PIGF: variants seen among roughly 807,000 people sequenced by gnomAD.
The protein encoded by PIGF is GPI ethanolamine phosphate transferase, stabilizing subunit.
PIGF carries 23 observed loss-of-function variants against 26.0 expected under a neutral mutation model. The observed-to-expected ratio is 0.88, with a 90% CI of 0.64 to 1.25. The LOEUF is 1.25. Among genes scored for constraint, PIGF ranks in the 50% most tolerant of loss-of-function variants. The pLI is 0.00. For missense variants in PIGF, 278 were observed against 249.9 expected (o/e 1.11, Z -0.76); for synonymous variants, 93 against 92.6 (o/e 1.00, Z -0.03).
rs1025728460 is a variant in PIGF, at chr2:46,589,434, A to G, written c.546+3041T>C. On this transcript the variant is annotated intron_variant, in intron 5 of 5. Transcript: ENST00000281382. This position sits in a 1 kb window ranked among gnomAD's most constrained non-coding sequence, Gnocchi z 4.7. ...TGCTTGGCCTCAGGAATGTTATACAATGGTTTGAGTTCAAAGTAAAGAAAA... is the reference window on the plus strand; with the variant it reads ...TGCTTGGCCTCAGGAATGTTATACAGTGGTTTGAGTTCAAAGTAAAGAAAA... Among the ~76,000 whole-genome samples, 1 of 151,978 alleles carries G rather than the reference A, an allele frequency of 6.6e-6. No individual in the cohort carries two copies. Among genetic ancestry groups the G allele is most frequent in the African/African-American group, 2.4e-5 (1 of 41,402 alleles).
At chr2:46,593,226 G>A (rs1212125351) in intron 4 of PIGF, among the ~76,000 whole-genome samples, 4 of 148,962 alleles carry the variant, frequency 2.7e-5, no homozygotes, top group East Asian at 4.0e-4. Flanking sequence ...TCAGCCTCCC[G>A]GGTTCAAGCG....
intron 4 of PIGF, among the ~76,000 whole-genome samples, chr2:46,595,559 C>T (rs2104089809): frequency 6.6e-6 from 1 of 152,266 alleles, no homozygotes; most frequent in East Asian, 1.9e-4. Flanking sequence ...TTGCTATGAA[C>T]ATTTATGCAC....
At chr2:46,614,262 A>T (rs1670533306) in intron 2 of PIGF, 1 of 152,854 alleles carries the variant, frequency 6.5e-6, no homozygotes, top group African/African-American at 2.4e-5. Flanking sequence ...ATATTACACA[A>T]CCCGTATGAA....
chr2:46,588,106 C>G lies in PIGF; in HGVS notation c.546+4369G>C. On this transcript the variant is annotated intron_variant, in intron 5 of 5. Transcript: ENST00000281382. This position sits in a 1 kb window ranked among gnomAD's most constrained non-coding sequence, Gnocchi z 4.1. ...CTACGGTTGTCAGGATTAAGTTACT[C>G]ATTTCACAGTACCAAGCCCCCTGCA... 6.2e-7 allele frequency: 1 copy of G among 1,604,914 alleles called. No homozygotes were observed. Among genetic ancestry groups the G allele is most frequent in the Non-Finnish European group, 8.5e-7 (1 of 1,175,558 alleles).
At chr2:46,615,465 C>T in intron 1 of PIGF, 1 of 232,748 alleles carries the variant, frequency 4.3e-6, no homozygotes, top group Non-Finnish European at 8.6e-6. Context: ...GGGTCATGTC[C>T]TAGGACCAAT....
intron 2 of PIGF, 154 bp from the exon 3 acceptor site, chr2:46,613,939 G>T: frequency 1.6e-6 from 1 of 623,176 alleles, no homozygotes; most frequent in Non-Finnish European, 2.8e-6. Context: ...GTCCTGTACC[G>T]TCACATACAC....
intron 1 of PIGF, 71 bp downstream of exon 1, chr2:46,616,873 CGGGTCGGGGCGCCAAGGCTCAGGGCT>C (rs1670656102): frequency 6.3e-6 from 2 of 316,270 alleles, no homozygotes; most frequent in African/African-American, 2.2e-5. Flanking sequence ...CGAGCGCCGG[CGGGTCGGGGCGCCAAGGCTCAGGGCT>C]GCTTCGGCAA....
chr2:46,592,976 T>C (rs1367969716), intron 4 of PIGF, among the ~76,000 whole-genome samples: 1 of 152,238 alleles, frequency 6.6e-6, no homozygotes, highest in East Asian at 1.9e-4. Context: ...GAAGGATATA[T>C]GTACATTTGC....
At position 46,615,181 on chromosome 2, in the gene PIGF, G is replaced by T; in HGVS notation, c.-17C>A. The T allele has an allele frequency of 8.2e-7, 1 of 1,213,674 alleles. No homozygotes were observed. The highest frequency in any genetic ancestry group is 1.2e-6 in the Non-Finnish European group (1 of 826,048). 75.2% of individuals were successfully genotyped at this position (1,213,674 alleles called of 1,614,324 possible). The stretch of plus-strand genomic sequence containing the variant: ...ATCTTTCATGGTGTTTTCTTGGATG[G>T]CTAGCTAACAAAAAACAAGAAAAGA... On this transcript the variant is annotated 5_prime_UTR_variant, in exon 2 of 6. Coordinates refer to ENST00000281382, the MANE Select transcript of PIGF (RefSeq NM_002643.4).
chr2:46,596,200 G>A (rs1025589575), intron 4 of PIGF, among the ~76,000 whole-genome samples: 17 of 143,460 alleles, frequency 1.2e-4, no homozygotes, highest in South Asian at 2.2e-4. Flanking sequence ...GCGACAGAGC[G>A]AGACCCCATC....
rs550197489 is a variant in PIGF at position 46,607,536 on chromosome 2, T to C, written c.437+4692A>G. Among the ~76,000 whole-genome samples the C allele has an allele frequency of 1.7e-4, 26 of 152,370 alleles. 1 individual carries two copies. The highest frequency in any genetic ancestry group is 1.7e-3 in the South Asian group (8 of 4,828). Reference sequence around the variant, plus strand: ...ATTAAGTGGGCAATAGCATTAGTTTTTTAAATGCACATGATTTAAAAATAC... The same window carrying C: ...ATTAAGTGGGCAATAGCATTAGTTTCTTAAATGCACATGATTTAAAAATAC... On this transcript the variant is annotated intron_variant, in intron 4 of 5. Transcript: ENST00000281382.
Position 46,616,989 on chromosome 2 carries a change from A to T in PIGF, c.-41T>A. On this transcript the variant is annotated 5_prime_UTR_variant, in exon 1 of 6. Transcript: ENST00000281382. ...GCTTACCTAACTCTCCCTCCCGCGG[A>T]AGGGAAGCGGGGAACTACTGCCTCC... 1 of 544,912 alleles carries T rather than the reference A, an allele frequency of 1.8e-6. No individual in the cohort carries two copies. The highest frequency in any genetic ancestry group is 2.1e-5 in the South Asian group (1 of 48,066). 33.8% of individuals were successfully genotyped at this position (544,912 alleles called of 1,614,324 possible).
At chr2:46,606,464 T>C (rs1670225904) in intron 4 of PIGF, among the ~76,000 whole-genome samples, 1 of 152,190 alleles carries the variant, frequency 6.6e-6, no homozygotes, top group African/African-American at 2.4e-5. Flanking sequence ...TACAAATGCA[T>C]AGTACTTCAC....
At position 46,602,036 on chromosome 2, in the gene PIGF, G is replaced by GA. The variant is rs3835757; in HGVS notation, c.438-9454dup. The stretch of plus-strand genomic sequence containing the variant: ...TTCCTTTATAAGAAAGTCTGCAAAT[G>GA]AAAAAAAAAATAATTTTAATGCCAA... On this transcript the variant is annotated intron_variant, in intron 4 of 5. Coordinates refer to ENST00000281382, the MANE Select transcript of PIGF (RefSeq NM_002643.4). Among the ~76,000 whole-genome samples, 672 of 148,108 alleles carry GA rather than the reference G, an allele frequency of 4.5e-3. 3 individuals are homozygous for GA. The highest frequency in any genetic ancestry group is 0.014 in the African/African-American group (569 of 40,850).
rs111331682 is a variant in PIGF, at chr2:46,588,178, A to T, written c.546+4297T>A. ...AGTGCTACGTTTTCTTTCTACTGTC[A>T]TCTGAAATGTCAGACAGGATTGAAA... On this transcript the variant is annotated intron_variant, in intron 5 of 5. Transcript: ENST00000281382. This position sits in a 1 kb window ranked among gnomAD's most constrained non-coding sequence, Gnocchi z 4.1. 6.2e-7 allele frequency: 1 copy of T among 1,611,998 alleles called. No homozygotes were observed. The highest frequency in any genetic ancestry group is 8.5e-7 in the Non-Finnish European group (1 of 1,179,106).
At chr2:46,602,903 T>C (rs559400824) in intron 4 of PIGF, among the ~76,000 whole-genome samples, 2 of 151,934 alleles carry the variant, frequency 1.3e-5, no homozygotes, top group African/African-American at 2.4e-5. Context: ...GGCATCCAAA[T>C]TGGAAAGAAA....
intron 5 of PIGF, among the ~76,000 whole-genome samples, chr2:46,586,260 G>T (rs1006209976): frequency 9.2e-5 from 14 of 152,242 alleles, no homozygotes; most frequent in African/African-American, 2.9e-4. Context: ...ACAGATAGTG[G>T]TTTTAAACTA....
At position 46,615,153 on chromosome 2, in the gene PIGF, G is replaced by A. The variant is rs369466000; in HGVS notation, c.12C>T (p.Asn4=). 6.8e-5 allele frequency: 102 copies of A among 1,492,930 alleles called. 1 individual carries two copies. In the South Asian group the frequency reaches 9.0e-4, roughly 13 times the overall value. 92.5% of individuals were successfully genotyped at this position (1,492,930 alleles called of 1,614,324 possible). The change falls in exon 2 of 6, where the codon AAC becomes AAT. Residue 4 remains asparagine, a synonymous_variant. Transcript: ENST00000281382. Reference sequence around the variant, plus strand: ...GGGTATACAGTAGTCTCTTGATATCGTTATCTTTCATGGTGTTTTCTTGGA... The same window carrying A: ...GGGTATACAGTAGTCTCTTGATATCATTATCTTTCATGGTGTTTTCTTGGA... MKD[N]DIKRLLYTHL... is the part of the protein sequence containing the mutation.
rs189935250 is a variant in PIGF, at chr2:46,610,990, G to A, written c.437+1238C>T. ...TTTATCCATTCTCCTTGCACGAGGT[G>A]CCTTTCTCTTCCTTCTTGGTCTCAC... is the stretch of plus-strand genomic sequence containing the variant. On this transcript the variant is annotated intron_variant, in intron 4 of 5. Transcript: ENST00000281382. Among the ~76,000 whole-genome samples, 434 of 152,284 alleles carry A rather than the reference G, an allele frequency of 2.8e-3. 1 individual carries two copies. The highest frequency in any genetic ancestry group is 9.4e-3 in the African/African-American group (392 of 41,562).
Sources: allele counts gnomAD v4.1 joint callset (sites outside exome capture counted in the v4.1 genomes callset), GRCh38; gene constraint gnomAD v4.1.1; non-coding constraint Gnocchi (gnomAD v3.1); transcripts MANE v1.5; gene names NCBI Gene and HGNC (gene_info 2026-07-23, HGNC 2026-07-21).